CELF2: variants seen among roughly 807,000 people sequenced by gnomAD.
CELF2 encodes CUG triplet repeat RNA-binding protein 2.
In CELF2, 8 loss-of-function variants were observed where a neutral mutation model predicts 62.6. The ratio of observed to expected loss-of-function variants is 0.13; its 90% CI spans 0.07 to 0.23. The LOEUF (loss-of-function observed/expected upper bound fraction) is 0.23, where lower values mean the gene tolerates loss of function less well. Among genes scored for constraint, CELF2 ranks in the 10% least tolerant of loss-of-function variants. The probability of loss-of-function intolerance (pLI) is 1.00; values close to 1 mark genes in which losing one functional copy is unlikely to be tolerated. For synonymous variants in CELF2, 258 were observed against 250.0 expected (o/e 1.03, Z -0.30); for missense variants, 333 against 671.0 (o/e 0.50, Z 5.56).
intron 11 of CELF2, among the ~76,000 whole-genome samples, chr10:11,325,418 C>G (rs887105180): frequency 6.6e-6 from 1 of 152,226 alleles, no homozygotes; most frequent in Non-Finnish European, 1.5e-5. Flanking sequence ...TCAATTGTTA[C>G]AATTTTTTAG....
intron 1 of CELF2, among the ~76,000 whole-genome samples, chr10:11,134,760 G>A (rs947503675): frequency 6.6e-6 from 1 of 152,188 alleles, no homozygotes; most frequent in Admixed American, 6.5e-5. Flanking sequence ...CACGAGGAGA[G>A]AGCAAGGAAC....
chr10:10,667,218 C>T, the CELF2 span, among the ~76,000 whole-genome samples: 335 of 152,298 alleles, frequency 2.2e-3, 1 homozygote, highest in Middle Eastern at 3.4e-3. Flanking sequence ...ACTACTCAGA[C>T]AGCTGACTTT....
the CELF2 span, among the ~76,000 whole-genome samples, chr10:10,594,071 G>A: frequency 6.6e-6 from 1 of 152,198 alleles, no homozygotes; most frequent in East Asian, 1.9e-4. Context: ...AGATACAGGA[G>A]TACAAGTGAG....
rs2094554141 is a variant in CELF2, at chr10:11,311,434, C to T, written c.977-2705C>T. On this transcript the variant is annotated intron_variant, in intron 9 of 12. Transcript: ENST00000633077. This position sits in a 1 kb window ranked among gnomAD's most constrained non-coding sequence, Gnocchi z 4.7. ...AATAAAGTTCCAAGATATTTAAGCT[C>T]ACAACCAAAAAAAACCCCACAAAAT... Among the ~76,000 whole-genome samples, 1 of 152,134 alleles carries T rather than the reference C, an allele frequency of 6.6e-6. No homozygotes were observed. The highest frequency in any genetic ancestry group is 1.9e-4 in the East Asian group (1 of 5,186).
the CELF2 span, among the ~76,000 whole-genome samples, chr10:10,606,088 T>C: frequency 6.6e-6 from 1 of 152,190 alleles, no homozygotes; most frequent in Non-Finnish European, 1.5e-5. Context: ...GTCCCAACCC[T>C]TCGGTCTCCA....
the CELF2 span, among the ~76,000 whole-genome samples, chr10:10,590,998 C>A: frequency 6.6e-6 from 1 of 152,170 alleles, no homozygotes; most frequent in African/African-American, 2.4e-5. Flanking sequence ...TAGACCTTCT[C>A]ACTTATCACA....
intron 1 of CELF2, among the ~76,000 whole-genome samples, chr10:10,813,381 A>G (rs1182987799): frequency 1.3e-5 from 2 of 152,252 alleles, no homozygotes; most frequent in African/African-American, 2.4e-5. Flanking sequence ...TCATTCTTAT[A>G]AAGATACAAA....
At chr10:11,179,404 G>A (rs1156465605) in intron 2 of CELF2, among the ~76,000 whole-genome samples, 1 of 152,190 alleles carries the variant, frequency 6.6e-6, no homozygotes, top group African/African-American at 2.4e-5. Flanking sequence ...ATCGCTTGCT[G>A]AAGGACTGTA....
chr10:10,474,248 G>C, the CELF2 span, among the ~76,000 whole-genome samples: 1 of 151,998 alleles, frequency 6.6e-6, no homozygotes, highest in Non-Finnish European at 1.5e-5. Flanking sequence ...TTCAAGACCT[G>C]ACTGGGCAAT....
chr10:11,298,033 G>T (rs564583712), intron 9 of CELF2, among the ~76,000 whole-genome samples: 1 of 152,316 alleles, frequency 6.6e-6, no homozygotes, highest in South Asian at 2.1e-4. Context: ...GTCACTAGGG[G>T]AAGAAGTTTT....
intron 1 of CELF2, among the ~76,000 whole-genome samples, chr10:10,818,797 C>T (rs967626195): frequency 9.9e-5 from 15 of 152,062 alleles, no homozygotes; most frequent in Admixed American, 8.5e-4. Context: ...AGGCTGGTCT[C>T]GACCTCCTAA....
At position 11,302,436 on chromosome 10, in the gene CELF2, C is replaced by T. The variant is rs78065917; in HGVS notation, c.977-11703C>T. ...GAGCCCCAGGTGGTGCCGATGCGGG[C>T]GAGGCTGTAACTTTACAGTAACGAT... On this transcript the variant is annotated intron_variant, in intron 9 of 12. Transcript: ENST00000633077. The surrounding 1 kb of genome is among the most constrained non-coding windows in gnomAD (Gnocchi z 5.0). Among the ~76,000 whole-genome samples the T allele has an allele frequency of 4.2e-3, 638 of 152,004 alleles. 11 individuals carry two copies. The highest frequency in any genetic ancestry group is 0.033 in the East Asian group (173 of 5,178).
intron 2 of CELF2, among the ~76,000 whole-genome samples, chr10:10,984,537 G>A (rs1461891327): frequency 6.6e-6 from 1 of 152,174 alleles, no homozygotes; most frequent in East Asian, 1.9e-4. Flanking sequence ...TGTCTAGTGA[G>A]TATCCTAGAG....
chr10:10,943,307 G>A (rs1027060618), intron 2 of CELF2, among the ~76,000 whole-genome samples: 1 of 152,184 alleles, frequency 6.6e-6, no homozygotes, highest in Admixed American at 6.5e-5. Flanking sequence ...TCGCTATCAA[G>A]TTGCTACCTG....
At chr10:10,959,307 C>T (rs1274661302) in intron 2 of CELF2, among the ~76,000 whole-genome samples, 1 of 152,088 alleles carries the variant, frequency 6.6e-6, no homozygotes, top group Admixed American at 6.6e-5. Context: ...GTCTTGGATC[C>T]ATTTTGATGC....
intron 9 of CELF2, among the ~76,000 whole-genome samples, chr10:11,304,692 A>G (rs984522807): frequency 6.6e-6 from 1 of 152,214 alleles, no homozygotes; most frequent in Admixed American, 6.5e-5. Flanking sequence ...TAATCCATTA[A>G]TGAGGGCAGA....
the CELF2 span, among the ~76,000 whole-genome samples, chr10:10,682,752 CTGTT>C: frequency 1.3e-5 from 2 of 152,074 alleles, no homozygotes; most frequent in Non-Finnish European, 2.9e-5. Flanking sequence ...TCCTGGATGA[CTGTT>C]TGATTGCACA....
intron 1 of CELF2, among the ~76,000 whole-genome samples, chr10:10,815,273 C>T (rs1183191922): frequency 6.6e-6 from 1 of 152,124 alleles, no homozygotes; most frequent in Admixed American, 6.6e-5. Context: ...TAGATTTTAC[C>T]TTTGGGCAAC....
intron 2 of CELF2, among the ~76,000 whole-genome samples, chr10:10,979,118 G>T (rs1476199654): frequency 6.6e-6 from 1 of 152,130 alleles, no homozygotes; most frequent in Non-Finnish European, 1.5e-5. Flanking sequence ...TTCCAGGAGA[G>T]AAAGTGATTG....
Sources: gnomAD v4.1 joint callset for allele counts (sites outside exome capture counted in the v4.1 genomes callset) on GRCh38, gnomAD v4.1.1 for gene constraint, Gnocchi (gnomAD v3.1) non-coding constraint, MANE v1.5 for transcripts, NCBI Gene and HGNC (gene_info 2026-07-23, HGNC 2026-07-21) for gene names.